PGM5: variants seen among roughly 807,000 people sequenced by gnomAD.
PGM5 encodes phosphoglucomutase-like protein 5.
A neutral mutation model predicts 59.2 loss-of-function variants in PGM5; 23 were observed. That is an observed-to-expected ratio of 0.39 (90% CI 0.28 to 0.55). The LOEUF (loss-of-function observed/expected upper bound fraction) is 0.55, where lower values mean the gene tolerates loss of function less well. Among genes scored for constraint, PGM5 ranks in the 20% least tolerant of loss-of-function variants. The pLI is 0.66. For synonymous variants in PGM5, 214 were observed against 286.0 expected (o/e 0.75, Z 2.54); for missense variants, 574 against 748.3 (o/e 0.77, Z 2.72).
intron 6 of PGM5, among the ~76,000 whole-genome samples, chr9:68,458,766 T>A (rs1183086954): frequency 6.6e-6 from 1 of 152,218 alleles, no homozygotes; most frequent in African/African-American, 2.4e-5. Context: ...GATAGCCTCA[T>A]GTTTTATGTT....
At chr9:68,413,976 G>A (rs1554681805) in intron 6 of PGM5, among the ~76,000 whole-genome samples, 1 of 152,162 alleles carries the variant, frequency 6.6e-6, no homozygotes, top group South Asian at 2.1e-4. Flanking sequence ...GGAGGTGTTT[G>A]GATCATGAGA....
intron 10 of PGM5, among the ~76,000 whole-genome samples, chr9:68,506,691 G>A (rs1824662634): frequency 6.6e-6 from 1 of 152,092 alleles, no homozygotes; most frequent in African/African-American, 2.4e-5. Context: ...AAGTAGAAAT[G>A]GATATAATAC....
chr9:68,375,926 C>T (rs751152714), intron 1 of PGM5, among the ~76,000 whole-genome samples: 1 of 152,274 alleles, frequency 6.6e-6, no homozygotes, highest in Non-Finnish European at 1.5e-5. Context: ...ATGCAAGGGC[C>T]CTGAGGCCGG....
At chr9:68,424,279 A>C (rs955505511) in intron 6 of PGM5, among the ~76,000 whole-genome samples, 1 of 152,210 alleles carries the variant, frequency 6.6e-6, no homozygotes, top group Admixed American at 6.5e-5. Flanking sequence ...AGTGTGGCTT[A>C]TGAACAACAG....
Position 68,465,130 on chromosome 9 carries a change from C to T in PGM5, c.1081C>T (p.Pro361Ser). 1 of 1,613,112 alleles carries T rather than the reference C, an allele frequency of 6.2e-7. No individual in the cohort carries two copies. Among genetic ancestry groups the T allele is most frequent in the South Asian group, 1.1e-5 (1 of 91,066 alleles). Residue 361 changes from proline (P) to serine (S), a missense_variant, in exon 7 of 11, where the codon CCA becomes TCA. Coordinates refer to ENST00000396396, the MANE Select transcript of PGM5 (RefSeq NM_021965.4). ...KSMKVPVYETPAGWRFFSNLM... is the reference protein window; with the variant it reads ...KSMKVPVYETSAGWRFFSNLM... ...AATGAAGGTCCCTGTATATGAGACC[C>T]CAGCTGGATGGAGATTCTTCTCAAA...
At chr9:68,501,445 A>C (rs1330193854) in intron 10 of PGM5, among the ~76,000 whole-genome samples, 1 of 152,150 alleles carries the variant, frequency 6.6e-6, no homozygotes, top group Non-Finnish European at 1.5e-5. Flanking sequence ...AACTCTACCT[A>C]AGCCTTTAAG....
At position 68,452,336 on chromosome 9, in the gene PGM5, AG is replaced by A. The variant is rs374275222; in HGVS notation, c.1044-12756del. ...TAGGAAGTTTCTCCTAAGCACCAAGAGCCCCTACACGGAATGGAACCACGCA... is the reference window on the plus strand; with the variant it reads ...TAGGAAGTTTCTCCTAAGCACCAAGACCCCTACACGGAATGGAACCACGCA... On this transcript the variant is annotated intron_variant, in intron 6 of 10. Transcript: ENST00000396396. 4.9e-4 allele frequency among the ~76,000 whole-genome samples: 74 copies of A among 152,116 alleles called. 1 individual carries two copies. Among genetic ancestry groups the A allele is most frequent in the African/African-American group, 1.7e-3 (70 of 41,496 alleles).
At chr9:68,433,217 C>A (rs1262766654) in intron 6 of PGM5, among the ~76,000 whole-genome samples, 1 of 152,210 alleles carries the variant, frequency 6.6e-6, no homozygotes, top group South Asian at 2.1e-4. Context: ...GGGACTTAAT[C>A]TGGATTCTGT....
At chr9:68,495,655 A>T (rs1824471042) in intron 9 of PGM5, among the ~76,000 whole-genome samples, 1 of 152,184 alleles carries the variant, frequency 6.6e-6, no homozygotes, top group Non-Finnish European at 1.5e-5. Flanking sequence ...TTATGTTAGG[A>T]GTAGGTGGTG....
chr9:68,514,141 C>T (rs1338922381), intron 10 of PGM5, among the ~76,000 whole-genome samples: 1 of 152,152 alleles, frequency 6.6e-6, no homozygotes, highest in Non-Finnish European at 1.5e-5. Flanking sequence ...TTAACAAGCT[C>T]CTCAGGTGAT....
At chr9:68,499,857 T>C (rs558738574) in intron 10 of PGM5, among the ~76,000 whole-genome samples, 14 of 152,344 alleles carry the variant, frequency 9.2e-5, no homozygotes, top group Admixed American at 2.6e-4. Context: ...AGGAAGCACA[T>C]TGACAAGGCT....
intron 6 of PGM5, among the ~76,000 whole-genome samples, chr9:68,438,194 C>A (rs781954411): frequency 1.3e-4 from 19 of 146,260 alleles, no homozygotes; most frequent in Non-Finnish European, 2.2e-4. Flanking sequence ...GAGGCTGAGG[C>A]AGGACAATCG....
intron 10 of PGM5, among the ~76,000 whole-genome samples, chr9:68,509,602 G>A (rs1186881992): frequency 1.3e-5 from 2 of 152,178 alleles, no homozygotes; most frequent in Non-Finnish European, 2.9e-5. Context: ...CGCCACACAG[G>A]GCCACGCAGG....
chr9:68,523,914 T>A (rs567734007), intron 10 of PGM5, among the ~76,000 whole-genome samples: 4 of 152,276 alleles, frequency 2.6e-5, no homozygotes, highest in African/African-American at 9.6e-5. Context: ...TTACTTTGAG[T>A]CTTGTGACAT....
At chr9:68,512,479 A>G (rs1351555739) in intron 10 of PGM5, among the ~76,000 whole-genome samples, 1 of 152,180 alleles carries the variant, frequency 6.6e-6, no homozygotes, top group Non-Finnish European at 1.5e-5. Flanking sequence ...GAGTGTGTTG[A>G]CAGAGCTGGT....
chr9:68,471,742 A>C (rs558148613), intron 7 of PGM5, among the ~76,000 whole-genome samples: 1 of 152,118 alleles, frequency 6.6e-6, no homozygotes, highest in African/African-American at 2.4e-5. Context: ...AACATGGTGA[A>C]ACCTTGTCTC....
chr9:68,460,370 A>G (rs1042455490), intron 6 of PGM5, among the ~76,000 whole-genome samples: 2 of 152,208 alleles, frequency 1.3e-5, no homozygotes, highest in African/African-American at 2.4e-5. Context: ...CTTTCAGGGC[A>G]CTTTTAAGGT....
chr9:68,411,488 G>GTGTATATATATATA (rs1554681602), intron 6 of PGM5, among the ~76,000 whole-genome samples: 3 of 140,700 alleles, frequency 2.1e-5, no homozygotes, highest in Non-Finnish European at 4.6e-5. Context: ...GTGTGTGTGT[G>GTGTATATATATATA]TATATATATA....
At chr9:68,396,409 T>C (rs1242481772) in intron 6 of PGM5, 1 of 152,170 alleles carries the variant, frequency 6.6e-6, no homozygotes, top group Non-Finnish European at 1.5e-5. Flanking sequence ...CAAATAACTT[T>C]CCAAACCATG....
Sources: allele counts gnomAD v4.1 joint callset (sites outside exome capture counted in the v4.1 genomes callset), GRCh38; gene constraint gnomAD v4.1.1; transcripts MANE v1.5; gene names NCBI Gene and HGNC (gene_info 2026-07-23, HGNC 2026-07-21).